Variants in DAB1 observed in about 807,000 individuals in gnomAD.
The protein encoded by DAB1 is DAB adaptor protein 1.
DAB1 carries 15 observed loss-of-function variants against 64.6 expected under a neutral mutation model. The observed-to-expected ratio is 0.23, with a 90% CI of 0.16 to 0.36. The LOEUF (loss-of-function observed/expected upper bound fraction) is 0.36. Ranked by LOEUF, DAB1 falls within the 10% of genes least tolerant of loss-of-function variation. The pLI, the probability that DAB1 is intolerant of heterozygous loss-of-function variation, is 1.00. For missense variants in DAB1, 596 were observed against 706.7 expected, an observed-to-expected ratio of 0.84 and a Z score of 1.78; for synonymous variants, 235 against 251.9, an observed-to-expected ratio of 0.93 and a Z score of 0.64.
At chr1:58,454,350 T>C (rs1257237746) in intron 3 of DAB1, among the ~76,000 whole-genome samples, 2 of 152,164 alleles carry the variant, frequency 1.3e-5, no homozygotes, top group East Asian at 3.9e-4. Context: ...GGGCAGCCAG[T>C]GAAGCCTCAT....
intron 2 of DAB1, among the ~76,000 whole-genome samples, chr1:57,203,487 T>A (rs1665275162): frequency 6.6e-6 from 1 of 152,148 alleles, no homozygotes; most frequent in African/African-American, 2.4e-5. Context: ...ACAGACTAGC[T>A]GCCATGACAC....
At chr1:57,352,060 T>C (rs74766501) in intron 1 of DAB1, among the ~76,000 whole-genome samples, 1,618 of 152,228 alleles carry the variant, frequency 0.011, 35 homozygotes, top group African/African-American at 0.037. Context: ...CCAAAATGAC[T>C]GCATTTCCAA....
chr1:58,341,614 G>C (rs911588802), intron 4 of DAB1, among the ~76,000 whole-genome samples: 2 of 152,126 alleles, frequency 1.3e-5, no homozygotes, highest in African/African-American at 4.8e-5. Context: ...CACAAAAAGT[G>C]GTAGTTGAGA....
At chr1:58,174,715 G>C (rs1329484560) in intron 4 of DAB1, among the ~76,000 whole-genome samples, 2 of 152,164 alleles carry the variant, frequency 1.3e-5, no homozygotes, top group African/African-American at 4.8e-5. Context: ...CTAGAGGATT[G>C]TAATGTACCA....
intron 5 of DAB1, among the ~76,000 whole-genome samples, chr1:57,961,775 C>T: frequency 6.6e-6 from 1 of 151,886 alleles, no homozygotes. Context: ...TCAAGACCAG[C>T]CTGACCAACA....
chr1:57,007,159 G>A (rs1215078251), intron 14 of DAB1, among the ~76,000 whole-genome samples: 6 of 151,948 alleles, frequency 3.9e-5, no homozygotes, highest in Admixed American at 1.3e-4. Flanking sequence ...TTCCCACCAC[G>A]AAGATCAGTA....
intron 6 of DAB1, among the ~76,000 whole-genome samples, chr1:57,740,823 T>C (rs1028192516): frequency 6.6e-6 from 1 of 152,170 alleles, no homozygotes; most frequent in Non-Finnish European, 1.5e-5. Context: ...ATCTCCCCTT[T>C]TGTGTGGATT....
At chr1:57,923,974 A>G (rs1322949948) in intron 5 of DAB1, among the ~76,000 whole-genome samples, 1 of 152,268 alleles carries the variant, frequency 6.6e-6, no homozygotes, top group African/African-American at 2.4e-5. Context: ...TTTGGGCATT[A>G]AAGCCATTGG....
At chr1:58,000,739 C>T (rs1298261128) in intron 5 of DAB1, among the ~76,000 whole-genome samples, 1 of 151,498 alleles carries the variant, frequency 6.6e-6, no homozygotes, top group Non-Finnish European at 1.5e-5. Context: ...CCCAGCTAAT[C>T]CTTGTATTTT....
Position 57,996,096 on chromosome 1 carries a change from T to C in DAB1, n.388-111934A>G, listed in dbSNP as rs1646420825. On this transcript the variant is annotated intron_variant and non_coding_transcript_variant, in intron 5 of 20. Transcript: ENST00000485760. ...CAACATGGTGAAACCCCGTCTCTACTAAAAATACAAAAATTAGCTAGGCAT... is the reference window on the plus strand; with the variant it reads ...CAACATGGTGAAACCCCGTCTCTACCAAAAATACAAAAATTAGCTAGGCAT... Among the ~76,000 whole-genome samples the C allele has an allele frequency of 2.0e-5, 3 of 152,092 alleles. No individual in the cohort carries two copies. The South Asian group carries it at 6.2e-4, about 32-fold the overall frequency.
In DAB1 at chr1:57,984,184, A is replaced by AAAAAAAGAAAG. The variant is rs1276859040; in HGVS notation, n.388-100023_388-100022insCTTTCTTTTTT. ...TTCAGGGCCCAGGACTAGCTTAAAA[A>AAAAAAAGAAAG]AAAGAAAGAAAGAAAGAAAGAAAGA... On this transcript the variant is annotated intron_variant and non_coding_transcript_variant, in intron 5 of 20. Transcript: ENST00000485760. Among the ~76,000 whole-genome samples the AAAAAAAGAAAG allele has an allele frequency of 1.4e-4, 7 of 50,656 alleles. 1 individual carries two copies. The highest frequency in any genetic ancestry group is 1.1e-3 in the Admixed American group (4 of 3,688). The allele number at this position is 50,656 out of a possible 152,430, so 33.2% of individuals were successfully genotyped here.
At chr1:58,318,899 C>A (rs766842179) in intron 4 of DAB1, among the ~76,000 whole-genome samples, 1 of 152,160 alleles carries the variant, frequency 6.6e-6, no homozygotes, top group Non-Finnish European at 1.5e-5. Context: ...AGACATTTGG[C>A]ATCTTTCCAT....
At chr1:57,732,086 G>A (rs1647455770) in intron 6 of DAB1, among the ~76,000 whole-genome samples, 1 of 152,170 alleles carries the variant, frequency 6.6e-6, no homozygotes, top group African/African-American at 2.4e-5. Flanking sequence ...AGGAGGGCAT[G>A]CAGAATAAAG....
chr1:58,373,055 G>A (rs575771720), intron 3 of DAB1, among the ~76,000 whole-genome samples: 1 of 152,010 alleles, frequency 6.6e-6, no homozygotes, highest in South Asian at 2.1e-4. Context: ...GGAAGGAACA[G>A]GAGTATTTCT....
intron 9 of DAB1, among the ~76,000 whole-genome samples, chr1:57,036,963 A>T (rs1647180197): frequency 1.3e-5 from 2 of 152,200 alleles, no homozygotes; most frequent in Admixed American, 1.3e-4. Flanking sequence ...GATAAAAAAA[A>T]TCTCACAAAG....
At chr1:57,639,569 T>C (rs1646103098) in intron 7 of DAB1, among the ~76,000 whole-genome samples, 2 of 152,194 alleles carry the variant, frequency 1.3e-5, no homozygotes, top group African/African-American at 4.8e-5. Context: ...GGAGTGAGAC[T>C]AGAGTTGGAG....
At chr1:57,113,686 C>T (rs1268784191) in intron 4 of DAB1, among the ~76,000 whole-genome samples, 1 of 152,094 alleles carries the variant, frequency 6.6e-6, no homozygotes, top group African/African-American at 2.4e-5. Flanking sequence ...AAAATGTACG[C>T]TTGCAATCAA....
chr1:57,356,657 A>G (rs950889028), intron 1 of DAB1, among the ~76,000 whole-genome samples: 1 of 152,042 alleles, frequency 6.6e-6, no homozygotes. Context: ...ATTCAGACAG[A>G]AAAAAGTCTT....
chr1:57,300,282 TA>T (rs1435108895), intron 1 of DAB1, among the ~76,000 whole-genome samples: 1 of 152,106 alleles, frequency 6.6e-6, no homozygotes, highest in Non-Finnish European at 1.5e-5. Flanking sequence ...CTCAAATTAT[TA>T]GGGAGGGAAA....
Sources: allele counts gnomAD v4.1 joint callset (sites outside exome capture counted in the v4.1 genomes callset), GRCh38; gene constraint gnomAD v4.1.1; transcripts MANE v1.5; gene names NCBI Gene and HGNC (gene_info 2026-07-23, HGNC 2026-07-21).